FAM117B: variants seen among roughly 807,000 people sequenced by gnomAD.
FAM117B encodes the protein protein FAM117B.
A neutral mutation model predicts 52.8 loss-of-function variants in FAM117B; 22 were observed. The observed-to-expected ratio is 0.42, with a 90% CI of 0.30 to 0.59. The LOEUF (loss-of-function observed/expected upper bound fraction) is 0.59. Among genes scored for constraint, FAM117B ranks in the 20% least tolerant of loss-of-function variants. The pLI is 0.22. For synonymous variants in FAM117B, 309 were observed against 324.1 expected (o/e 0.95, Z 0.50); for missense variants, 678 against 802.6 (o/e 0.84, Z 1.88).
At chr2:202,675,253 C>A (rs1024658028) in intron 1 of FAM117B, among the ~76,000 whole-genome samples, 2 of 151,314 alleles carry the variant, frequency 1.3e-5, no homozygotes, top group Non-Finnish European at 2.9e-5. Context: ...CAACAAAAAG[C>A]CTGAGCAACA....
intron 4 of FAM117B, among the ~76,000 whole-genome samples, chr2:202,754,804 C>A (rs562316531): frequency 7.7e-4 from 106 of 137,422 alleles, no homozygotes; most frequent in African/African-American, 2.8e-3. Context: ...GCAGAAGAGT[C>A]GCTTGAACAT....
intron 2 of FAM117B, among the ~76,000 whole-genome samples, chr2:202,721,614 T>G (rs1354551315): frequency 2.6e-5 from 4 of 152,136 alleles, no homozygotes; most frequent in Non-Finnish European, 5.9e-5. Context: ...AATTACCTTA[T>G]AATTTTAGTA....
At chr2:202,713,692 AT>A (rs1690991491) in intron 2 of FAM117B, among the ~76,000 whole-genome samples, 1 of 151,904 alleles carries the variant, frequency 6.6e-6, no homozygotes, top group Non-Finnish European at 1.5e-5. Context: ...TATCCCATAG[AT>A]TTTGGTATGT....
chr2:202,756,821 T>A (rs1559116984), intron 5 of FAM117B, among the ~76,000 whole-genome samples: 1 of 152,186 alleles, frequency 6.6e-6, no homozygotes. Flanking sequence ...TTTCAGGGCG[T>A]GGCATCAGTG....
At chr2:202,714,584 GA>G (rs1289189845) in intron 2 of FAM117B, among the ~76,000 whole-genome samples, 29 of 144,380 alleles carry the variant, frequency 2.0e-4, no homozygotes, top group African/African-American at 7.1e-4. Flanking sequence ...CGCAGAGGGG[GA>G]TTTGGCAGGG....
intron 2 of FAM117B, among the ~76,000 whole-genome samples, chr2:202,716,417 TTTG>T (rs1190622499): frequency 1.3e-5 from 2 of 152,174 alleles, no homozygotes; most frequent in African/African-American, 4.8e-5. Flanking sequence ...CTCCTGCCAT[TTTG>T]TTATTTGTTT....
At chr2:202,647,100 A>G (rs769648741) in intron 1 of FAM117B, among the ~76,000 whole-genome samples, 39 of 152,174 alleles carry the variant, frequency 2.6e-4, no homozygotes, top group Non-Finnish European at 4.7e-4. Context: ...AATAATTTAT[A>G]TAAGACAAAA....
intron 1 of FAM117B, among the ~76,000 whole-genome samples, chr2:202,684,466 G>A (rs1021212308): frequency 1.3e-5 from 2 of 152,100 alleles, no homozygotes; most frequent in Non-Finnish European, 2.9e-5. Context: ...GTCAAGCAAC[G>A]TTCTCTCCCT....
chr2:202,715,264 C>A (rs1174276741), intron 2 of FAM117B, among the ~76,000 whole-genome samples: 5 of 151,772 alleles, frequency 3.3e-5, no homozygotes, highest in African/African-American at 1.2e-4. Context: ...GCTGACCCCC[C>A]ACCTCCCTCC....
chr2:202,708,390 T>C (rs756953411), intron 2 of FAM117B, among the ~76,000 whole-genome samples: 13 of 152,226 alleles, frequency 8.5e-5, no homozygotes, highest in Non-Finnish European at 1.5e-4. Context: ...TATCATATAC[T>C]GCAGAATTTC....
intron 4 of FAM117B, among the ~76,000 whole-genome samples, chr2:202,732,781 A>T (rs1046147695): frequency 6.6e-6 from 1 of 151,940 alleles, no homozygotes; most frequent in Admixed American, 6.6e-5. Context: ...AGATCGCACC[A>T]CTGCACTGCA....
intron 1 of FAM117B, among the ~76,000 whole-genome samples, chr2:202,688,467 A>C (rs1230181185): frequency 6.6e-6 from 1 of 152,292 alleles, no homozygotes; most frequent in East Asian, 1.9e-4. Context: ...AATAAAATCA[A>C]CTACAGTTAT....
intron 2 of FAM117B, among the ~76,000 whole-genome samples, chr2:202,708,752 G>A (rs993708632): frequency 2.0e-5 from 3 of 152,006 alleles, no homozygotes; most frequent in African/African-American, 7.3e-5. Flanking sequence ...CTCTAGGCAT[G>A]TGCCACCACA....
At chr2:202,753,753 TA>T (rs201047413) in intron 4 of FAM117B, among the ~76,000 whole-genome samples, 2,310 of 135,538 alleles carry the variant, frequency 0.017, 44 homozygotes, top group African/African-American at 0.053. Context: ...AACAAACATG[TA>T]AAAAAAAAAA....
chr2:202,720,118 T>C (rs541903778), intron 2 of FAM117B, among the ~76,000 whole-genome samples: 1 of 152,164 alleles, frequency 6.6e-6, no homozygotes, highest in African/African-American at 2.4e-5. Flanking sequence ...GGTTTTAGCA[T>C]TTGTTGATGA....
chr2:202,685,791 T>A (rs1194009390), intron 1 of FAM117B, among the ~76,000 whole-genome samples: 1 of 152,098 alleles, frequency 6.6e-6, no homozygotes, highest in African/African-American at 2.4e-5. Flanking sequence ...TCCAAATGGA[T>A]GAAAGACCTA....
At chr2:202,722,434 A>G (rs752450991) in intron 2 of FAM117B, among the ~76,000 whole-genome samples, 1 of 152,218 alleles carries the variant, frequency 6.6e-6, no homozygotes, top group African/African-American at 2.4e-5. Flanking sequence ...ATGCCCATCA[A>G]CAGTAGCCTG....
rs895285923 is a variant in FAM117B, at chr2:202,761,817, G to A, written c.1451+2464G>A. On this transcript the variant is annotated intron_variant, in intron 7 of 7. Transcript: ENST00000392238. ...GCTGGGATTACAGGCATGAGCCACC[G>A]TGCCTAGTCATGTTACATGTTTTAT... Among the ~76,000 whole-genome samples the A allele has an allele frequency of 5.9e-5, 9 of 152,040 alleles. No individual in the cohort carries two copies. The South Asian group carries it at 1.2e-3, about 21-fold the overall frequency.
chr2:202,655,749 A>AGTGTGT (rs1559095433), intron 1 of FAM117B, among the ~76,000 whole-genome samples: 20 of 133,844 alleles, frequency 1.5e-4, no homozygotes, highest in African/African-American at 6.4e-4. Context: ...AGAGAGAGAG[A>AGTGTGT]GAGAGAGAGA....
Sources: gnomAD v4.1 joint callset for allele counts (sites outside exome capture counted in the v4.1 genomes callset) on GRCh38, gnomAD v4.1.1 for gene constraint, MANE v1.5 for transcripts, NCBI Gene and HGNC (gene_info 2026-07-23, HGNC 2026-07-21) for gene names.